The following DLG2 variants were observed in gnomAD, a reference collection of about 807,000 sequenced individuals.
DLG2 encodes the protein discs large MAGUK scaffold protein 2.
Under a neutral mutation model 132.5 loss-of-function variants are expected in DLG2, and 45 were observed. The ratio of observed to expected loss-of-function variants is 0.34; its 90% CI spans 0.27 to 0.44. The LOEUF (loss-of-function observed/expected upper bound fraction) is 0.44. Among genes scored for constraint, DLG2 ranks in the 20% least tolerant of loss-of-function variants. DLG2 has a pLI of 1.00. For missense variants in DLG2, 1,045 were observed against 1,196.9 expected, an observed-to-expected ratio of 0.87 and a Z score of 1.87; for synonymous variants, 424 against 419.6, an observed-to-expected ratio of 1.01 and a Z score of -0.13.
intron 14 of DLG2, among the ~76,000 whole-genome samples, chr11:83,954,876 C>T (rs1283311832): frequency 6.6e-6 from 1 of 152,116 alleles, no homozygotes; most frequent in African/African-American, 2.4e-5. Context: ...TTAAGATTCT[C>T]AATAAAGCAG....
chr11:83,801,257 C>T (rs2153939312), intron 17 of DLG2, among the ~76,000 whole-genome samples: 1 of 152,190 alleles, frequency 6.6e-6, no homozygotes, highest in South Asian at 2.1e-4. Context: ...GGGAATACTA[C>T]AGTAGCCTCG....
rs147857465 is a variant in DLG2, at chr11:84,114,182, G to A, written c.625-15135C>T. Reference sequence around the variant, plus strand: ...TATAAAAAATTTCAGTTTTAATTTCGAATACGGTAAATACTGTAGACAGAA... The same window carrying A: ...TATAAAAAATTTCAGTTTTAATTTCAAATACGGTAAATACTGTAGACAGAA... On this transcript the variant is annotated intron_variant, in intron 9 of 27. Coordinates refer to ENST00000376104, the MANE Select transcript of DLG2 (RefSeq NM_001142699.3). Among the ~76,000 whole-genome samples, 1,209 of 151,430 alleles carry A rather than the reference G, an allele frequency of 8.0e-3. 18 individuals carry two copies. Among genetic ancestry groups the A allele is most frequent in the African/African-American group, 0.028 (1,152 of 41,272 alleles).
chr11:83,721,773 T>C (rs1417087937), intron 18 of DLG2, among the ~76,000 whole-genome samples: 5 of 152,202 alleles, frequency 3.3e-5, no homozygotes, highest in African/African-American at 2.4e-5. Context: ...ATTCCACATA[T>C]GCAGCCAGAG....
At chr11:84,433,232 A>C (rs1429318430) in intron 7 of DLG2, among the ~76,000 whole-genome samples, 1 of 152,210 alleles carries the variant, frequency 6.6e-6, no homozygotes, top group African/African-American at 2.4e-5. Flanking sequence ...ATTAAAACAA[A>C]ACAAATGAAA....
intron 4 of DLG2, among the ~76,000 whole-genome samples, chr11:85,183,879 G>T (rs958940384): frequency 6.6e-6 from 1 of 151,894 alleles, no homozygotes; most frequent in African/African-American, 2.4e-5. Context: ...TAAAAAAGGA[G>T]GAGGCAATTA....
intron 6 of DLG2, among the ~76,000 whole-genome samples, chr11:84,728,944 T>C (rs537716591): frequency 6.6e-6 from 1 of 152,316 alleles, no homozygotes; most frequent in Admixed American, 6.5e-5. Flanking sequence ...GTAGCCCCTA[T>C]ATCATTTTTT....
intron 16 of DLG2, among the ~76,000 whole-genome samples, chr11:83,847,410 T>C (rs1012112874): frequency 6.6e-6 from 1 of 152,204 alleles, no homozygotes; most frequent in Admixed American, 6.5e-5. Context: ...GAAACTCCAA[T>C]TAATTATCAA....
At chr11:84,412,272 T>C (rs2098910138) in intron 7 of DLG2, among the ~76,000 whole-genome samples, 1 of 151,664 alleles carries the variant, frequency 6.6e-6, no homozygotes, top group South Asian at 2.1e-4. Context: ...GCTATAGATT[T>C]TGGGGACATT....
intron 18 of DLG2, chr11:83,651,810 T>C (rs975753311): frequency 8.5e-6 from 4 of 470,882 alleles, no homozygotes; most frequent in African/African-American, 8.0e-5. Flanking sequence ...ACTTAGAGGA[T>C]TACAGCATGT....
chr11:85,409,850 G>A (rs1212222621), intron 3 of DLG2, among the ~76,000 whole-genome samples: 1 of 151,862 alleles, frequency 6.6e-6, no homozygotes, highest in Non-Finnish European at 1.5e-5. Context: ...TACATAGGAA[G>A]TAATCAATAA....
At chr11:83,861,638 T>C (rs1453190251) in intron 16 of DLG2, among the ~76,000 whole-genome samples, 1 of 152,110 alleles carries the variant, frequency 6.6e-6, no homozygotes. Flanking sequence ...AACGTCATAT[T>C]TTCTCACTTA....
intron 17 of DLG2, among the ~76,000 whole-genome samples, chr11:83,795,143 C>T (rs1053483460): frequency 5.9e-5 from 9 of 152,140 alleles, no homozygotes; most frequent in East Asian, 5.8e-4. Flanking sequence ...GCGGTGCTCA[C>T]GCCTGTAATC....
At chr11:85,026,788 G>C (rs2060560621) in intron 6 of DLG2, among the ~76,000 whole-genome samples, 2 of 152,000 alleles carry the variant, frequency 1.3e-5, no homozygotes, top group African/African-American at 2.4e-5. Flanking sequence ...AGTGAGTTGA[G>C]ATCATGCCAC....
chr11:84,136,539 C>A (rs1015886901), intron 9 of DLG2, among the ~76,000 whole-genome samples: 1 of 151,778 alleles, frequency 6.6e-6, no homozygotes, highest in African/African-American at 2.4e-5. Flanking sequence ...AATAATCTAA[C>A]GAAGTGAAGG....
At chr11:84,999,772 C>T (rs2154130051) in intron 6 of DLG2, among the ~76,000 whole-genome samples, 1 of 152,154 alleles carries the variant, frequency 6.6e-6, no homozygotes, top group East Asian at 1.9e-4. Context: ...CCAGGGTTCA[C>T]ACAATTGGAT....
chr11:85,014,331 C>T (rs3851175), intron 6 of DLG2, among the ~76,000 whole-genome samples: 2,995 of 152,224 alleles, frequency 0.02, 54 homozygotes, highest in Admixed American at 0.042. Flanking sequence ...ATATTTGGTG[C>T]TCAATATGTT....
At position 84,934,518 on chromosome 11, in the gene DLG2, T is replaced by G. The variant is rs1182038710; in HGVS notation, c.357+177143A>C. Among the ~76,000 whole-genome samples the G allele has an allele frequency of 2.0e-4, 11 of 55,746 alleles. 1 individual carries two copies. In the East Asian group the frequency reaches 9.8e-3, roughly 50 times the overall value. 36.6% of individuals were successfully genotyped at this position (55,746 alleles called of 152,430 possible). On this transcript the variant is annotated intron_variant, in intron 6 of 27. Transcript: ENST00000376104. ...TGGTCCTGGGTGTTTTTTTTTTGTT[T>G]TGTTTTGTTTTTTTTTTTTTTTTTT...
chr11:85,455,742 A>C (rs2092401367), intron 3 of DLG2, among the ~76,000 whole-genome samples: 1 of 152,084 alleles, frequency 6.6e-6, no homozygotes, highest in South Asian at 2.1e-4. Flanking sequence ...AGGGATGTTA[A>C]ATTTTATTGA....
At chr11:85,399,178 C>A (rs1224024938) in intron 3 of DLG2, among the ~76,000 whole-genome samples, 1 of 152,130 alleles carries the variant, frequency 6.6e-6, no homozygotes, top group Admixed American at 6.5e-5. Context: ...CTCCCATTCA[C>A]AATTGCTTCA....
Sources: allele counts gnomAD v4.1 joint callset (sites outside exome capture counted in the v4.1 genomes callset), GRCh38; gene constraint gnomAD v4.1.1; transcripts MANE v1.5; gene names NCBI Gene and HGNC (gene_info 2026-07-23, HGNC 2026-07-21).